The following RIPOR2 variants were observed in gnomAD, a reference collection of about 807,000 sequenced individuals.
RIPOR2 encodes RHO family interacting cell polarization regulator 2.
A neutral mutation model predicts 114.5 loss-of-function variants in RIPOR2; 39 were observed. The observed-to-expected ratio is 0.34, with a 90% CI of 0.26 to 0.44. The LOEUF (loss-of-function observed/expected upper bound fraction) is 0.44, where lower values mean the gene tolerates loss of function less well. RIPOR2 is among the 20% of genes least tolerant of loss of function. RIPOR2 has a pLI of 1.00. For missense variants in RIPOR2, 1,007 were observed against 1,255.1 expected (o/e 0.80, Z 2.99); for synonymous variants, 445 against 484.4 (o/e 0.92, Z 1.07).
At chr6:24,875,881 T>C in intron 1 of RIPOR2, 64 bp from the exon 2 acceptor site, 3 of 1,446,860 alleles carry the variant, frequency 2.1e-6, no homozygotes, top group Non-Finnish European at 2.8e-6. Context: ...TGCACTAAGC[T>C]TGTCAACAAT....
At chr6:25,035,521 C>A (rs941286584) in intron 1 of RIPOR2, among the ~76,000 whole-genome samples, 1 of 152,182 alleles carries the variant, frequency 6.6e-6, no homozygotes, top group Non-Finnish European at 1.5e-5. Flanking sequence ...TTGGAAACGG[C>A]AGCAACACGG....
At chr6:24,901,788 G>A (rs1445587018) in intron 1 of RIPOR2, among the ~76,000 whole-genome samples, 2 of 152,160 alleles carry the variant, frequency 1.3e-5, no homozygotes, top group African/African-American at 2.4e-5. Flanking sequence ...TGGACCTCCC[G>A]GGGTGGAGAG....
At chr6:24,865,640 GATTT>G (rs915796112) in intron 6 of RIPOR2, among the ~76,000 whole-genome samples, 190 bp from the exon 7 acceptor site, 11 of 152,142 alleles carry the variant, frequency 7.2e-5, no homozygotes, top group Non-Finnish European at 1.5e-5. Context: ...TCTCAAAACA[GATTT>G]TGCTCTAATC....
intron 12 of RIPOR2, among the ~76,000 whole-genome samples, chr6:24,846,301 CT>C (rs1233193249): frequency 0.016 from 1,434 of 91,664 alleles, 9 homozygotes; most frequent in African/African-American, 0.061. Context: ...TTTCACCTGC[CT>C]TTTTTTTTTT....
intron 1 of RIPOR2, among the ~76,000 whole-genome samples, chr6:24,985,617 C>T (rs1014715934): frequency 6.6e-6 from 1 of 152,080 alleles, no homozygotes; most frequent in African/African-American, 2.4e-5. Flanking sequence ...AATTTCTATC[C>T]CCCGCTCCCT....
intron 21 of RIPOR2, 104 bp from the exon 22 acceptor site, chr6:24,806,577 G>T: frequency 1.3e-6 from 1 of 773,098 alleles, no homozygotes; most frequent in East Asian, 2.9e-5. Context: ...GCTATAATAT[G>T]CTATGCTAAC....
chr6:24,916,695 G>A (rs750150775), intron 1 of RIPOR2, among the ~76,000 whole-genome samples: 5 of 152,158 alleles, frequency 3.3e-5, no homozygotes, highest in Admixed American at 6.5e-5. Flanking sequence ...TCCTTTGCCC[G>A]TGTCTGGCAC....
intron 1 of RIPOR2, among the ~76,000 whole-genome samples, chr6:24,931,283 C>T (rs1771373672): frequency 6.6e-6 from 1 of 152,096 alleles, no homozygotes; most frequent in Non-Finnish European, 1.5e-5. Flanking sequence ...ATCCTAATTA[C>T]AATTCTTTTT....
chr6:24,882,179 T>A (rs1233856646), intron 1 of RIPOR2, among the ~76,000 whole-genome samples: 1 of 152,222 alleles, frequency 6.6e-6, no homozygotes, highest in South Asian at 2.1e-4. Flanking sequence ...TAGGTGATGG[T>A]TCTACTTCTC....
chr6:24,881,171 G>C (rs1054113896), intron 1 of RIPOR2, among the ~76,000 whole-genome samples: 1 of 152,170 alleles, frequency 6.6e-6, no homozygotes, highest in Non-Finnish European at 1.5e-5. Context: ...TTGAACCCGG[G>C]AGGCAGAGGT....
chr6:24,909,957 C>T (rs1010417915), intron 1 of RIPOR2, among the ~76,000 whole-genome samples: 11 of 152,136 alleles, frequency 7.2e-5, no homozygotes, highest in African/African-American at 2.7e-4. Flanking sequence ...CTCACAGCGC[C>T]TCTGCCACCT....
intron 20 of RIPOR2, among the ~76,000 whole-genome samples, chr6:24,817,978 C>CTTTTTTTTTTTTTTTTTTTTTT (rs57294288): frequency 4.2e-5 from 5 of 118,366 alleles, no homozygotes; most frequent in Non-Finnish European, 6.8e-5. Flanking sequence ...CTCTCTCTCT[C>CTTTTTTTTTTTTTTTTTTTTTT]TTTTTTTTTG....
chr6:24,857,483 C>A (rs1763589906), intron 8 of RIPOR2, among the ~76,000 whole-genome samples: 1 of 152,170 alleles, frequency 6.6e-6, no homozygotes, highest in African/African-American at 2.4e-5. Flanking sequence ...GGTGTTACAG[C>A]AGCTGCCTAC....
At chr6:24,807,259 G>C in intron 21 of RIPOR2, among the ~76,000 whole-genome samples, 1 of 152,088 alleles carries the variant, frequency 6.6e-6, no homozygotes, top group Admixed American at 6.6e-5. Context: ...TTGAGGTCAC[G>C]AGTTTGAGAC....
Position 24,881,569 on chromosome 6 carries a change from C to A in RIPOR2, c.62-5752G>T, listed in dbSNP as rs957313888. 3.3e-5 allele frequency among the ~76,000 whole-genome samples: 5 copies of A among 152,214 alleles called. No individual in the cohort carries two copies. The East Asian group carries it at 9.6e-4, about 29-fold the overall frequency. The stretch of plus-strand genomic sequence containing the variant: ...AGGCACAGAACCCTGAAAGCCACAG[C>A]TGTTTCTCGTCCCAGTTTCTTCATA... On this transcript the variant is annotated intron_variant, in intron 1 of 21. Coordinates refer to ENST00000643898, the MANE Select transcript of RIPOR2 (RefSeq NM_001286445.3).
chr6:24,982,005 A>G (rs1015802627), intron 1 of RIPOR2, among the ~76,000 whole-genome samples: 5 of 152,232 alleles, frequency 3.3e-5, no homozygotes, highest in African/African-American at 1.2e-4. Context: ...GCCTCCCCTC[A>G]ACTTTTTGCC....
chr6:24,916,550 T>C (rs1035858454), intron 1 of RIPOR2, among the ~76,000 whole-genome samples: 2 of 152,150 alleles, frequency 1.3e-5, no homozygotes, highest in Non-Finnish European at 2.9e-5. Context: ...GCCACCTTTT[T>C]CCCTGGAAAA....
intron 1 of RIPOR2, among the ~76,000 whole-genome samples, chr6:24,945,153 A>C (rs982902129): frequency 1.1e-4 from 16 of 152,248 alleles, no homozygotes; most frequent in Non-Finnish European, 1.6e-4. Context: ...ATCAATTAAA[A>C]AAAAGAAATA....
At chr6:25,011,980 T>C (rs140246402) in intron 1 of RIPOR2, among the ~76,000 whole-genome samples, 1 of 152,290 alleles carries the variant, frequency 6.6e-6, no homozygotes, top group East Asian at 1.9e-4. Context: ...GCAAATCATA[T>C]ATCTGATAAG....
Sources: gnomAD v4.1 joint callset for allele counts (sites outside exome capture counted in the v4.1 genomes callset) on GRCh38, gnomAD v4.1.1 for gene constraint, MANE v1.5 for transcripts, NCBI Gene and HGNC (gene_info 2026-07-23, HGNC 2026-07-21) for gene names.